Variants in MED12L observed in about 807,000 individuals in gnomAD.
MED12L encodes the protein mediator complex subunit 12L.
MED12L carries 60 observed loss-of-function variants against 281.3 expected under a neutral mutation model. The observed-to-expected ratio is 0.21, with a 90% CI of 0.17 to 0.26. The LOEUF (loss-of-function observed/expected upper bound fraction) is 0.26. Ranked by LOEUF, MED12L falls within the 10% of genes least tolerant of loss-of-function variation. The probability of loss-of-function intolerance (pLI) is 1.00; values close to 1 mark genes in which losing one functional copy is unlikely to be tolerated. For missense variants in MED12L, 2,146 were observed against 2,680.9 expected, an observed-to-expected ratio of 0.80 and a Z score of 4.41; for synonymous variants, 974 against 987.2, an observed-to-expected ratio of 0.99 and a Z score of 0.25.
chr3:151,161,464 A>T (rs930421178), intron 8 of MED12L, among the ~76,000 whole-genome samples: 4 of 152,160 alleles, frequency 2.6e-5, no homozygotes, highest in African/African-American at 9.6e-5. Flanking sequence ...AGTGCTTAAG[A>T]GTCGGGCAGA....
chr3:151,265,045 C>T (rs1326096019), intron 16 of MED12L, among the ~76,000 whole-genome samples: 7 of 152,202 alleles, frequency 4.6e-5, no homozygotes, highest in Non-Finnish European at 1.0e-4. Flanking sequence ...ATTTCTTCCT[C>T]TCACCCTATT....
At chr3:151,213,804 T>G (rs773157324) in intron 16 of MED12L, 1 of 1,614,188 alleles carries the variant, frequency 6.2e-7, no homozygotes, top group Non-Finnish European at 8.5e-7. Flanking sequence ...GTTCTATACA[T>G]TTTATTTGTG....
Position 151,421,144 on chromosome 3 carries a change from C to T in MED12L, c.6408+4722C>T, listed in dbSNP as rs190677481. On this transcript the variant is annotated intron_variant, in intron 43 of 44. Coordinates refer to ENST00000687756, the MANE Select transcript of MED12L (RefSeq NM_001393769.1). ...ACCTCCATCCCTGCCACCATGGCCACTTTGTTCATGGGCCCATTGAGGAAT... is the reference window on the plus strand; with the variant it reads ...ACCTCCATCCCTGCCACCATGGCCATTTTGTTCATGGGCCCATTGAGGAAT... Among the ~76,000 whole-genome samples the T allele has an allele frequency of 7.9e-3, 1,206 of 152,238 alleles. 19 individuals carry two copies. The highest frequency in any genetic ancestry group is 0.028 in the African/African-American group (1,152 of 41,522).
chr3:151,319,260 G>GT (rs1748684277), intron 16 of MED12L, among the ~76,000 whole-genome samples: 1 of 152,062 alleles, frequency 6.6e-6, no homozygotes. Flanking sequence ...TAATCGAAAG[G>GT]TAAACCAGCA....
intron 16 of MED12L, among the ~76,000 whole-genome samples, chr3:151,308,623 A>C (rs1264381959): frequency 6.6e-6 from 1 of 152,152 alleles, no homozygotes; most frequent in Non-Finnish European, 1.5e-5. Context: ...TGCTTTTCAC[A>C]AGTTCATGTA....
intron 16 of MED12L, among the ~76,000 whole-genome samples, chr3:151,204,785 G>A (rs534250749): frequency 4.6e-5 from 7 of 152,260 alleles, no homozygotes; most frequent in African/African-American, 1.7e-4. Context: ...TGGGATGAAA[G>A]ATTTTTGACA....
intron 16 of MED12L, among the ~76,000 whole-genome samples, chr3:151,312,629 C>A (rs1288620202): frequency 6.6e-6 from 1 of 152,138 alleles, no homozygotes; most frequent in Non-Finnish European, 1.5e-5. Context: ...AGGGCAAAAC[C>A]CTTTCTGGGA....
intron 16 of MED12L, among the ~76,000 whole-genome samples, chr3:151,264,327 GT>G (rs1379147802): frequency 1.3e-5 from 2 of 152,206 alleles, no homozygotes; most frequent in Non-Finnish European, 2.9e-5. Context: ...ATAAAATTAA[GT>G]AATTATTGGA....
intron 43 of MED12L, among the ~76,000 whole-genome samples, chr3:151,423,801 T>C (rs1718547849): frequency 6.6e-6 from 1 of 152,248 alleles, no homozygotes; most frequent in Non-Finnish European, 1.5e-5. Flanking sequence ...CGCTGCATCA[T>C]TTCCTTTCAT....
At position 151,363,619 on chromosome 3, in the gene MED12L, T is replaced by A. The variant is rs556423736; in HGVS notation, c.2958-1360T>A. 2.0e-5 allele frequency among the ~76,000 whole-genome samples: 3 copies of A among 152,298 alleles called. No homozygotes were observed. The South Asian group carries it at 6.2e-4, about 32-fold the overall frequency. On this transcript the variant is annotated intron_variant, in intron 21 of 44. Coordinates refer to ENST00000687756, the MANE Select transcript of MED12L (RefSeq NM_001393769.1). ...CTTCAATGACAACCAACACATTTTTTAAAATATAAGTTGTCTACACAGAAA... is the reference window on the plus strand; with the variant it reads ...CTTCAATGACAACCAACACATTTTTAAAAATATAAGTTGTCTACACAGAAA...
At chr3:151,386,736 T>C (rs960881936) in intron 36 of MED12L, among the ~76,000 whole-genome samples, 4 of 152,090 alleles carry the variant, frequency 2.6e-5, no homozygotes, top group Admixed American at 2.0e-4. Context: ...CCATCATGCC[T>C]GGCTAATTTT....
chr3:151,296,565 G>T (rs1745120395), intron 16 of MED12L, among the ~76,000 whole-genome samples: 1 of 150,040 alleles, frequency 6.7e-6, no homozygotes, highest in Non-Finnish European at 1.5e-5. Context: ...TCTTCAAACT[G>T]CACTGTTCCT....
intron 38 of MED12L, among the ~76,000 whole-genome samples, chr3:151,391,217 T>C (rs958473210): frequency 1.3e-5 from 2 of 152,174 alleles, no homozygotes; most frequent in African/African-American, 2.4e-5. Flanking sequence ...TAAAAGTAAA[T>C]TGTAATAGTT....
At chr3:151,136,440 G>C (rs995319171) in intron 5 of MED12L, among the ~76,000 whole-genome samples, 1 of 152,220 alleles carries the variant, frequency 6.6e-6, no homozygotes, top group Non-Finnish European at 1.5e-5. Flanking sequence ...TATGCTGAAA[G>C]TAATCCTGAA....
Position 151,388,106 on chromosome 3 carries a change from C to T in MED12L, c.5385C>T (p.Thr1795=), listed in dbSNP as rs1443070934. 8.7e-6 allele frequency: 14 copies of T among 1,613,288 alleles called. No individual in the cohort carries two copies. In the Middle Eastern group the frequency reaches 5.0e-4, roughly 57 times the overall value. Residue 1795 remains threonine (T), a synonymous_variant, in exon 37 of 45, where the codon ACC becomes ACT. Transcript: ENST00000687756. ...CTGAGCTGTCAGATCAGGGAAAAAC[C>T]ACAACAGATGAAGAAAAGAAAACAA... ...KSAELSDQGK[T]TTDEEKKTKG...
chr3:151,250,626 A>G (rs1288471549), intron 16 of MED12L, among the ~76,000 whole-genome samples: 1 of 152,234 alleles, frequency 6.6e-6, no homozygotes, highest in Non-Finnish European at 1.5e-5. Flanking sequence ...AGACTGAATA[A>G]TATTCCGCTC....
chr3:151,190,612 C>G, intron 13 of MED12L, 105 bp from the exon 14 acceptor site: 2 of 1,034,436 alleles, frequency 1.9e-6, no homozygotes, highest in South Asian at 1.6e-5. Context: ...TTTTTTTTCC[C>G]CAGAAAAGTT....
At chr3:151,378,329 C>A (rs1290258168) in intron 31 of MED12L, among the ~76,000 whole-genome samples, 156 bp downstream of exon 31, 2 of 152,120 alleles carry the variant, frequency 1.3e-5, no homozygotes, top group South Asian at 2.1e-4. Flanking sequence ...CTGTCTTATT[C>A]CTAAAAAATT....
At chr3:151,332,787 T>C (rs904744032) in intron 16 of MED12L, among the ~76,000 whole-genome samples, 5 of 152,200 alleles carry the variant, frequency 3.3e-5, no homozygotes, top group African/African-American at 1.2e-4. Context: ...TGCAGGTTTG[T>C]TACATAGGTA....
Sources: gnomAD v4.1 joint callset for allele counts (sites outside exome capture counted in the v4.1 genomes callset) on GRCh38, gnomAD v4.1.1 for gene constraint, MANE v1.5 for transcripts, NCBI Gene and HGNC (gene_info 2026-07-23, HGNC 2026-07-21) for gene names.